The following SKAP1 variants were observed in gnomAD, a reference collection of about 807,000 sequenced individuals.
SKAP1 encodes src kinase-associated phosphoprotein 1.
SKAP1 carries 44 observed loss-of-function variants against 58.5 expected under a neutral mutation model. The ratio of observed to expected loss-of-function variants is 0.75; its 90% CI spans 0.59 to 0.97. The LOEUF is 0.97. SKAP1 is among the 50% of genes least tolerant of loss of function. SKAP1 has a pLI of 0.00. For synonymous variants in SKAP1, 127 were observed against 149.7 expected (o/e 0.85, Z 1.11); for missense variants, 390 against 435.2 (o/e 0.90, Z 0.92).
intron 4 of SKAP1, among the ~76,000 whole-genome samples, chr17:48,211,525 C>T (rs769084291): frequency 1.8e-4 from 27 of 152,286 alleles, no homozygotes; most frequent in Middle Eastern, 3.4e-3. Context: ...TATTCTGTTT[C>T]GCTGATTTAT....
chr17:48,137,202 G>T, intron 12 of SKAP1, 27 bp downstream of exon 12: 2 of 1,409,350 alleles, frequency 1.4e-6, no homozygotes, highest in Non-Finnish European at 2.0e-6. Context: ...CAACTATTAG[G>T]CAGTTCATTG....
intron 1 of SKAP1, among the ~76,000 whole-genome samples, chr17:48,404,202 C>T (rs1227986780): frequency 6.6e-6 from 1 of 151,942 alleles, no homozygotes; most frequent in Admixed American, 6.6e-5. Flanking sequence ...CCTGTAATCC[C>T]AGCACTTTGG....
intron 1 of SKAP1, among the ~76,000 whole-genome samples, chr17:48,401,047 C>T (rs1484147821): frequency 2.0e-5 from 3 of 152,000 alleles, no homozygotes; most frequent in African/African-American, 4.8e-5. Context: ...GGCTCACACT[C>T]GTAATCCCAG....
chr17:48,274,403 A>C (rs905017628), intron 4 of SKAP1, among the ~76,000 whole-genome samples: 10 of 151,866 alleles, frequency 6.6e-5, no homozygotes, highest in African/African-American at 2.4e-4. Context: ...ATCAAAAAAA[A>C]AAATTTTTTT....
chr17:48,431,815 C>G (rs976963941), upstream of SKAP1, among the ~76,000 whole-genome samples: 1 of 152,042 alleles, frequency 6.6e-6, no homozygotes. Context: ...GTTTTTACAA[C>G]AGCCATAAGG....
chr17:48,233,289 TTTCAATG>T (rs761318353), intron 4 of SKAP1, among the ~76,000 whole-genome samples: 7 of 152,108 alleles, frequency 4.6e-5, no homozygotes, highest in Non-Finnish European at 7.4e-5. Flanking sequence ...TTGCAATGGG[TTTCAATG>T]TTCAGTTGAG....
chr17:48,335,478 C>T (rs2066556128), intron 4 of SKAP1, among the ~76,000 whole-genome samples: 2 of 151,944 alleles, frequency 1.3e-5, no homozygotes. Context: ...AAAATTTATT[C>T]CATAGGCAAT....
intron 4 of SKAP1, among the ~76,000 whole-genome samples, chr17:48,256,758 G>C (rs991254916): frequency 6.6e-6 from 1 of 152,040 alleles, no homozygotes; most frequent in Middle Eastern, 3.2e-3. Context: ...GGCTCCTTTG[G>C]CAATTGAAGG....
At chr17:48,377,163 TAA>T (rs10555907) in intron 2 of SKAP1, 32,117 of 151,822 alleles carry the variant, frequency 0.21, 3,392 homozygotes, top group Admixed American at 0.22. Context: ...TATGATGAGG[TAA>T]AGACTGACAA....
At chr17:48,354,384 C>T (rs2066847848) in intron 3 of SKAP1, among the ~76,000 whole-genome samples, 1 of 152,170 alleles carries the variant, frequency 6.6e-6, no homozygotes, top group Non-Finnish European at 1.5e-5. Flanking sequence ...AAAAAAATTA[C>T]TTTTTAATTG....
chr17:48,430,236 C>T (rs1431771246), upstream of SKAP1: 2 of 795,746 alleles, frequency 2.5e-6, no homozygotes, highest in Non-Finnish European at 3.3e-6. Flanking sequence ...GGTCGCCGCC[C>T]GCCCAGCCCG....
intron 4 of SKAP1, among the ~76,000 whole-genome samples, chr17:48,228,195 AAG>A (rs1271606643): frequency 1.3e-5 from 2 of 151,992 alleles, no homozygotes; most frequent in African/African-American, 4.8e-5. Context: ...GAGAAAGACA[AAG>A]AGAGATAGAG....
chr17:48,344,739 G>T (rs2144324629), intron 4 of SKAP1, among the ~76,000 whole-genome samples: 1 of 152,104 alleles, frequency 6.6e-6, no homozygotes, highest in African/African-American at 2.4e-5. Flanking sequence ...TACTAATTGT[G>T]CTATTATACA....
At chr17:48,203,526 G>A (rs1308930318) in intron 4 of SKAP1, 1 of 152,234 alleles carries the variant, frequency 6.6e-6, no homozygotes, top group Admixed American at 6.5e-5. Flanking sequence ...AATGCCTGGT[G>A]GGGAGGATGG....
chr17:48,291,451 T>C (rs1482898554), intron 4 of SKAP1, among the ~76,000 whole-genome samples: 1 of 152,202 alleles, frequency 6.6e-6, no homozygotes, highest in African/African-American at 2.4e-5. Flanking sequence ...TAGGTTCCTA[T>C]TGAACAACAG....
At chr17:48,285,281 G>A (rs1410534321) in intron 4 of SKAP1, among the ~76,000 whole-genome samples, 1 of 152,096 alleles carries the variant, frequency 6.6e-6, no homozygotes, top group Non-Finnish European at 1.5e-5. Flanking sequence ...TCCTTTATAC[G>A]ATACCACCTC....
intron 1 of SKAP1, among the ~76,000 whole-genome samples, chr17:48,428,811 T>G (rs2067880447): frequency 6.6e-6 from 1 of 152,196 alleles, no homozygotes; most frequent in African/African-American, 2.4e-5. Context: ...TTGTTTCTTC[T>G]TAGACACCCA....
intron 4 of SKAP1, among the ~76,000 whole-genome samples, chr17:48,335,396 C>A (rs566481040): frequency 1.0e-3 from 158 of 152,052 alleles, no homozygotes; most frequent in South Asian, 1.9e-3. Context: ...GTCTAGAGAT[C>A]AACTATTTCA....
chr17:48,142,618 G>C (rs1722177810), intron 11 of SKAP1, among the ~76,000 whole-genome samples: 1 of 152,190 alleles, frequency 6.6e-6, no homozygotes, highest in African/African-American at 2.4e-5. Flanking sequence ...AGTTGTGGCA[G>C]AAAGAGATCA....
Sources: gnomAD v4.1 joint callset for allele counts (sites outside exome capture counted in the v4.1 genomes callset) on GRCh38, gnomAD v4.1.1 for gene constraint, MANE v1.5 for transcripts, NCBI Gene and HGNC (gene_info 2026-07-23, HGNC 2026-07-21) for gene names.